The following RALYL variants were observed in gnomAD, a reference collection of about 807,000 sequenced individuals.
RALYL encodes RALY RNA binding protein like.
A neutral mutation model predicts 35.1 loss-of-function variants in RALYL; 29 were observed. That is an observed-to-expected ratio of 0.83 (90% confidence interval 0.61 to 1.13). The LOEUF is 1.13. Ranked by LOEUF, RALYL falls within the 50% of genes most tolerant of loss-of-function variation. RALYL has a pLI of 0.00. For missense variants in RALYL, 359 were observed against 360.4 expected (o/e 1.00, Z 0.03); for synonymous variants, 120 against 127.6 (o/e 0.94, Z 0.40).
At chr8:84,326,599 A>G (rs1845841560) in intron 1 of RALYL, among the ~76,000 whole-genome samples, 1 of 152,216 alleles carries the variant, frequency 6.6e-6, no homozygotes, top group Non-Finnish European at 1.5e-5. Flanking sequence ...ACATTATACC[A>G]GCCCAATAAA....
intron 1 of RALYL, among the ~76,000 whole-genome samples, chr8:84,500,972 A>G (rs1247660650): frequency 1.3e-5 from 2 of 152,294 alleles, no homozygotes; most frequent in Admixed American, 6.5e-5. Flanking sequence ...ATAATCTTCA[A>G]TTCTGGCTCT....
At chr8:84,715,784 A>G (rs1461191723) in intron 2 of RALYL, among the ~76,000 whole-genome samples, 1 of 152,048 alleles carries the variant, frequency 6.6e-6, no homozygotes. Flanking sequence ...TGATTTTCTT[A>G]GCACTATTTA....
At chr8:84,882,149 G>T (rs16913397) in intron 7 of RALYL, among the ~76,000 whole-genome samples, 3 of 151,846 alleles carry the variant, frequency 2.0e-5, no homozygotes, top group Non-Finnish European at 4.4e-5. Flanking sequence ...TGTCTTAGAG[G>T]TGTCTTTTTA....
In RALYL at chr8:84,542,543, C is replaced by T. The variant is rs572039807; in HGVS notation, c.256+12966C>T. On this transcript the variant is annotated intron_variant, in intron 2 of 8. Coordinates refer to ENST00000521268, the MANE Select transcript of RALYL (RefSeq NM_173848.7). ...GGGGCAGTTACCCTCATTATGTTCT[C>T]ACAAGAACTGATGGTTTCATAAGGG... 1.4e-3 allele frequency among the ~76,000 whole-genome samples: 208 copies of T among 152,146 alleles called. 1 individual carries two copies. The highest frequency in any genetic ancestry group is 3.4e-3 in the Middle Eastern group (1 of 294).
chr8:84,739,391 C>T (rs531876859), intron 2 of RALYL, among the ~76,000 whole-genome samples: 40 of 151,514 alleles, frequency 2.6e-4, no homozygotes, highest in African/African-American at 8.9e-4. Context: ...CAAATAGAAA[C>T]ATGTAAAATA....
At chr8:84,251,726 T>C (rs1830230818) in intron 1 of RALYL, among the ~76,000 whole-genome samples, 1 of 152,150 alleles carries the variant, frequency 6.6e-6, no homozygotes, top group South Asian at 2.1e-4. Context: ...ATTAATCCAT[T>C]GACTTTTACT....
In RALYL at chr8:84,502,720, GA is replaced by G. The variant is rs1355167818; in HGVS notation, c.-23-26571del. On this transcript the variant is annotated intron_variant, in intron 1 of 8. Coordinates refer to ENST00000521268, the MANE Select transcript of RALYL (RefSeq NM_173848.7). ...ATTTATAATGAGACAAAACAAAACAGAAAAAAAATTATACCAACTACTATTT... is the reference window on the plus strand; with the variant it reads ...ATTTATAATGAGACAAAACAAAACAGAAAAAAATTATACCAACTACTATTT... Among the ~76,000 whole-genome samples, 62 of 151,428 alleles carry G rather than the reference GA, an allele frequency of 4.1e-4. 1 individual carries two copies. In the East Asian group the frequency reaches 8.3e-3, roughly 20 times the overall value.
chr8:84,341,005 C>A (rs1164655780), intron 1 of RALYL, among the ~76,000 whole-genome samples: 1 of 151,958 alleles, frequency 6.6e-6, no homozygotes, highest in African/African-American at 2.4e-5. Context: ...AATAGCCATT[C>A]TAACAGGTGT....
chr8:84,183,815 T>A lies in RALYL; in HGVS notation c.-633T>A, dbSNP rs1339429129. The A allele has an allele frequency of 6.6e-6, 1 of 152,638 alleles. No homozygotes were observed. Among genetic ancestry groups the A allele is most frequent in the Non-Finnish European group, 1.5e-5 (1 of 68,042 alleles). 9.5% of individuals were successfully genotyped at this position (152,638 alleles called of 1,614,324 possible). A position where few individuals can be genotyped will look rare whatever the true frequency, so the allele number is the denominator to read the frequency against. On this transcript the variant is annotated 5_prime_UTR_variant, in exon 1 of 9. Transcript: ENST00000521268. ...CGGAGTCCGCGGCGACCGTGCCCGC[T>A]GGGAGCGTCTCCCAAGTCCAGCAAA... is the stretch of plus-strand genomic sequence containing the variant.
chr8:84,497,846 T>A (rs2056230542), intron 1 of RALYL, among the ~76,000 whole-genome samples: 1 of 152,062 alleles, frequency 6.6e-6, no homozygotes, highest in Non-Finnish European at 1.5e-5. Context: ...TTTCACCATG[T>A]TAGACAGGAT....
At chr8:84,636,063 T>A (rs1824992036) in intron 2 of RALYL, among the ~76,000 whole-genome samples, 1 of 151,806 alleles carries the variant, frequency 6.6e-6, no homozygotes, top group Non-Finnish European at 1.5e-5. Context: ...AAGTGTCATT[T>A]TCCAACAAGA....
chr8:84,703,225 C>G lies in RALYL; in HGVS notation c.257-71354C>G, dbSNP rs1840531538. 1.3e-5 allele frequency among the ~76,000 whole-genome samples: 2 copies of G among 151,990 alleles called. 1 individual carries two copies. The highest frequency in any genetic ancestry group is 4.2e-4 in the South Asian group (2 of 4,814). On this transcript the variant is annotated intron_variant, in intron 2 of 8. Coordinates refer to ENST00000521268, the MANE Select transcript of RALYL (RefSeq NM_173848.7). Reference sequence around the variant, plus strand: ...CCGGGTATATGTAAGGTCCCCAATCCCTCCAAGATTCAAGCCACTAGGCCC... The same window carrying G: ...CCGGGTATATGTAAGGTCCCCAATCGCTCCAAGATTCAAGCCACTAGGCCC...
At chr8:84,228,146 T>C (rs1004122899) in intron 1 of RALYL, among the ~76,000 whole-genome samples, 4 of 89,914 alleles carry the variant, frequency 4.4e-5, no homozygotes, top group Non-Finnish European at 8.4e-5. Flanking sequence ...ACATAAAGAA[T>C]AGTCTAGCAA....
intron 2 of RALYL, among the ~76,000 whole-genome samples, chr8:84,742,527 C>T (rs1324644333): frequency 6.6e-6 from 1 of 151,874 alleles, no homozygotes; most frequent in Non-Finnish European, 1.5e-5. Context: ...TCCACATAAT[C>T]GATTACCTCA....
intron 1 of RALYL, among the ~76,000 whole-genome samples, chr8:84,199,886 G>T (rs1816409354): frequency 6.6e-6 from 1 of 152,106 alleles, no homozygotes; most frequent in African/African-American, 2.4e-5. Context: ...GACTCAGTCT[G>T]CTTACCTAGT....
intron 2 of RALYL, among the ~76,000 whole-genome samples, chr8:84,644,871 T>C (rs982146620): frequency 6.6e-6 from 1 of 151,616 alleles, no homozygotes; most frequent in Admixed American, 6.6e-5. Context: ...TGTGCCCCAG[T>C]CTCCTGAGTA....
chr8:84,795,918 C>T (rs1343522081), intron 3 of RALYL, among the ~76,000 whole-genome samples: 1 of 152,142 alleles, frequency 6.6e-6, no homozygotes, highest in African/African-American at 2.4e-5. Context: ...AGTATCACCC[C>T]CACTTTGCCA....
At chr8:84,669,107 G>C (rs1832675807) in intron 2 of RALYL, among the ~76,000 whole-genome samples, 1 of 152,108 alleles carries the variant, frequency 6.6e-6, no homozygotes, top group Admixed American at 6.6e-5. Context: ...CTTTGAAATG[G>C]TGTAATACAG....
intron 2 of RALYL, among the ~76,000 whole-genome samples, chr8:84,688,792 A>G (rs1837378127): frequency 2.0e-5 from 3 of 152,280 alleles, no homozygotes; most frequent in South Asian, 2.1e-4. Flanking sequence ...GAGTCAACCT[A>G]TGAAATGGGA....
Sources: gnomAD v4.1 joint callset for allele counts (sites outside exome capture counted in the v4.1 genomes callset) on GRCh38, gnomAD v4.1.1 for gene constraint, MANE v1.5 for transcripts, NCBI Gene and HGNC (gene_info 2026-07-23, HGNC 2026-07-21) for gene names.